Variants in SVIL observed in about 807,000 individuals in gnomAD.
SVIL encodes the protein archvillin.
A neutral mutation model predicts 240.4 loss-of-function variants in SVIL; 101 were observed. The observed-to-expected ratio is 0.42, with a 90% CI of 0.36 to 0.50. SVIL has a LOEUF of 0.50. Ranked by LOEUF, SVIL falls within the 20% of genes least tolerant of loss-of-function variation. The probability of loss-of-function intolerance (pLI) is 0.01; values close to 1 mark genes in which losing one functional copy is unlikely to be tolerated. For synonymous variants in SVIL, 999 were observed against 1,100.0 expected, an observed-to-expected ratio of 0.91 and a Z score of 1.82; for missense variants, 2,512 against 2,818.7, an observed-to-expected ratio of 0.89 and a Z score of 2.46.
intron 20 of SVIL, among the ~76,000 whole-genome samples, chr10:29,494,324 C>G (rs765416488): frequency 3.9e-5 from 6 of 152,176 alleles, no homozygotes; most frequent in Non-Finnish European, 8.8e-5. Flanking sequence ...TTATATTACA[C>G]TTTTATATTT....
chr10:29,676,793 G>A (rs1043255959), intron 2 of SVIL, among the ~76,000 whole-genome samples: 7 of 152,178 alleles, frequency 4.6e-5, no homozygotes, highest in African/African-American at 1.7e-4. Context: ...CATTTGCCTA[G>A]GATGTAACGC....
chr10:29,498,874 G>C lies in SVIL; in HGVS notation c.3664+242C>G, dbSNP rs570211005. Among the ~76,000 whole-genome samples, 3 of 152,298 alleles carry C rather than the reference G, an allele frequency of 2.0e-5. No individual in the cohort carries two copies. In the South Asian group the frequency reaches 6.2e-4, roughly 32 times the overall value. On this transcript the variant is annotated intron_variant, in intron 18 of 37. Transcript: ENST00000355867. ...TGCACACCTATAATCCCAGCTACTA[G>C]AGAGGCTGTGGTGGGAAGATTGCTT...
intron 16 of SVIL, among the ~76,000 whole-genome samples, chr10:29,521,152 G>A (rs1166331124): frequency 2.0e-5 from 3 of 151,152 alleles, no homozygotes; most frequent in Non-Finnish European, 4.4e-5. Flanking sequence ...GAACCCGGGA[G>A]GCAGAGGTTG....
intron 1 of SVIL, among the ~76,000 whole-genome samples, chr10:29,598,956 A>G (rs1402838571): frequency 1.3e-5 from 2 of 152,204 alleles, no homozygotes; most frequent in Non-Finnish European, 2.9e-5. Context: ...AGCCCAGCCA[A>G]CGTTTCATGA....
At chr10:29,714,864 G>C (rs1003280431) in intron 1 of SVIL, among the ~76,000 whole-genome samples, 12 of 151,172 alleles carry the variant, frequency 7.9e-5, no homozygotes, top group African/African-American at 2.4e-4. Context: ...GGAGGCTGAG[G>C]TGGGAGGGTC....
At chr10:29,459,616 A>T (rs542199067) in intron 36 of SVIL, among the ~76,000 whole-genome samples, 3 of 152,186 alleles carry the variant, frequency 2.0e-5, no homozygotes. Context: ...AGCAGAATCA[A>T]TTTTTTTGTT....
rs763311100 is a variant in SVIL, at chr10:29,471,233, A to G, written c.5540T>C (p.Leu1847Pro). 6.2e-7 allele frequency: 1 copy of G among 1,612,160 alleles called. No homozygotes were observed. ...GAAACAGGGGGGCTCCTTTCCCTGG[A>G]GAACCTGGACCTTCCGATTTAAACA... ...DEERGAQVQV[L>P]QGKEPPCFLQ... The change falls in exon 31 of 38, where the codon CTC becomes CCC. Residue 1847 changes from leucine (L) to proline (P), a missense_variant. This residue lies in a region of SVIL where 797 missense variants were observed against 925.3 expected (regional missense o/e 0.86). Transcript: ENST00000355867.
At chr10:29,729,477 G>A (rs1326004592) in intron 1 of SVIL, among the ~76,000 whole-genome samples, 8 of 149,984 alleles carry the variant, frequency 5.3e-5, no homozygotes, top group African/African-American at 2.0e-4. Context: ...GTGTGTGTGT[G>A]TGTGTGTGTG....
At chr10:29,609,773 T>C (rs1448169853) in intron 1 of SVIL, among the ~76,000 whole-genome samples, 1 of 152,216 alleles carries the variant, frequency 6.6e-6, no homozygotes, top group African/African-American at 2.4e-5. Flanking sequence ...CCAGCGTGCC[T>C]GGCTGTGCAG....
At chr10:29,681,444 C>CGTGTGTGT (rs1960645248) in intron 2 of SVIL, among the ~76,000 whole-genome samples, 1 of 102,930 alleles carries the variant, frequency 9.7e-6, no homozygotes, top group African/African-American at 3.8e-5. Flanking sequence ...TGTGTGTGTA[C>CGTGTGTGT]GTGTGTTGAG....
At chr10:29,736,409 G>A (rs1964903835), upstream of SVIL, among the ~76,000 whole-genome samples, 1 of 152,226 alleles carries the variant, frequency 6.6e-6, no homozygotes, top group Admixed American at 6.5e-5. Flanking sequence ...GCTAGCCCCC[G>A]CTGCAGCCCC....
Position 29,530,666 on chromosome 10 carries a change from C to T in SVIL, c.2047G>A (p.Glu683Lys), listed in dbSNP as rs1191751812. Residue 683 changes from glutamate to lysine, a missense_variant and splice_region_variant, in exon 11 of 38, where the codon GAA becomes AAA. Coordinates refer to ENST00000355867, the MANE Select transcript of SVIL (RefSeq NM_021738.3). Reference protein sequence around the residue: ...SHSETPTVDDEEKVDERAKLS... With the variant: ...SHSETPTVDDKEKVDERAKLS... ...TTGGCTCGTTCATCCACCTTTTCTT[C>T]ATCTGCAAAAAGCCACAAATTAAAA... 6.2e-7 allele frequency: 1 copy of T among 1,614,132 alleles called. No individual in the cohort carries two copies. The highest frequency in any genetic ancestry group is 1.7e-5 in the Admixed American group (1 of 60,022).
At position 29,551,151 on chromosome 10, in the gene SVIL, A is replaced by G. The variant is rs768740220; in HGVS notation, c.273T>C (p.Gly91=). The change falls in exon 6 of 38, where the codon GGT becomes GGC. Residue 91 remains glycine, a synonymous_variant. Coordinates refer to ENST00000355867, the MANE Select transcript of SVIL (RefSeq NM_021738.3). ...ACTCCAGACTGTGGGTGTCCATGGTACCCGAACCATAGGGTGAGTCACCGT... is the reference window on the plus strand; with the variant it reads ...ACTCCAGACTGTGGGTGTCCATGGTGCCCGAACCATAGGGTGAGTCACCGT... ...GVHGDSPYGS[G]TMDTHSLESK... 1 of 1,613,998 alleles carries G rather than the reference A, an allele frequency of 6.2e-7. No homozygotes were observed. Among genetic ancestry groups the G allele is most frequent in the East Asian group, 2.2e-5 (1 of 44,852 alleles).
At chr10:29,630,801 T>C (rs1958056454) in intron 1 of SVIL, among the ~76,000 whole-genome samples, 1 of 151,990 alleles carries the variant, frequency 6.6e-6, no homozygotes, top group Non-Finnish European at 1.5e-5. Flanking sequence ...CTGTGAGTAA[T>C]ATAGGATGAG....
intron 1 of SVIL, among the ~76,000 whole-genome samples, chr10:29,617,159 A>G (rs941379169): frequency 2.6e-5 from 4 of 152,116 alleles, no homozygotes; most frequent in African/African-American, 7.2e-5. Context: ...TTGAAGCCCA[A>G]AGCTCTTTTC....
chr10:29,489,886 G>C (rs1040189657), intron 22 of SVIL, among the ~76,000 whole-genome samples: 1 of 152,128 alleles, frequency 6.6e-6, no homozygotes, highest in African/African-American at 2.4e-5. Flanking sequence ...ATAACAAAAA[G>C]ACTCAACCAC....
chr10:29,568,017 AAAAAAAAAAAC>A (rs755411043), intron 2 of SVIL, among the ~76,000 whole-genome samples: 9,653 of 107,958 alleles, frequency 0.089, 352 homozygotes, highest in Admixed American at 0.15. Flanking sequence ...ACTCCGTCTC[AAAAAAAAAAAC>A]AAAAAAAAAA....
chr10:29,706,932 G>A (rs958788169), intron 1 of SVIL, among the ~76,000 whole-genome samples: 7 of 151,980 alleles, frequency 4.6e-5, no homozygotes, highest in Non-Finnish European at 8.8e-5. Context: ...TTGGTTTGTC[G>A]AAGATCAGAT....
chr10:29,479,140 C>T (rs1946547773), intron 29 of SVIL, among the ~76,000 whole-genome samples: 2 of 152,062 alleles, frequency 1.3e-5, no homozygotes, highest in African/African-American at 2.4e-5. Context: ...TCAATGCTGA[C>T]CTGCTCCAAG....
Sources: allele counts gnomAD v4.1 joint callset (sites outside exome capture counted in the v4.1 genomes callset), GRCh38; gene constraint gnomAD v4.1.1; regional missense constraint gnomAD v4.1.1; transcripts MANE v1.5; gene names NCBI Gene and HGNC (gene_info 2026-07-23, HGNC 2026-07-21).